The following PARN variants were observed in gnomAD, a reference collection of about 807,000 sequenced individuals.
PARN encodes poly(A)-specific ribonuclease PARN.
A neutral mutation model predicts 102.8 loss-of-function variants in PARN; 71 were observed. The ratio of observed to expected loss-of-function variants is 0.69; its 90% CI spans 0.57 to 0.84. The LOEUF is 0.84. PARN is among the 40% of genes least tolerant of loss of function. PARN has a pLI of 0.00. For missense variants in PARN, 782 were observed against 760.9 expected, an observed-to-expected ratio of 1.03 and a Z score of -0.33; for synonymous variants, 261 against 252.9, an observed-to-expected ratio of 1.03 and a Z score of -0.30.
At chr16:14,492,579 T>TA (rs1964115391) in intron 21 of PARN, among the ~76,000 whole-genome samples, 2 of 152,070 alleles carry the variant, frequency 1.3e-5, no homozygotes, top group African/African-American at 4.8e-5. Flanking sequence ...CTAGAGCAAG[T>TA]CAGGCCCTCT....
chr16:14,519,686 A>G (rs1236247657), intron 21 of PARN, among the ~76,000 whole-genome samples: 2 of 152,192 alleles, frequency 1.3e-5, no homozygotes, highest in African/African-American at 4.8e-5. Context: ...AGATTTCTCT[A>G]TGTCATTATG....
In PARN at chr16:14,599,891, C is replaced by A. The variant is rs747718824; in HGVS notation, c.840+13G>T. 15 of 1,570,828 alleles carry A rather than the reference C, an allele frequency of 9.5e-6. No individual in the cohort carries two copies. Among genetic ancestry groups the A allele is most frequent in the Admixed American group, 3.5e-5 (2 of 57,910 alleles). ...ATGTTCTGCAATCTTGCTAAAAAGT[C>A]TGGCTCACTTACCGAATTAGCAATG... On this transcript the variant is annotated intron_variant, in intron 12 of 23. Transcript: ENST00000437198.
At chr16:14,604,625 A>AT (rs932192616) in intron 10 of PARN, among the ~76,000 whole-genome samples, 22 of 149,118 alleles carry the variant, frequency 1.5e-4, no homozygotes, top group African/African-American at 3.7e-4. Flanking sequence ...TGCCATTAGA[A>AT]TTTTTTTTTT....
intron 21 of PARN, among the ~76,000 whole-genome samples, chr16:14,514,567 G>A (rs1965364155): frequency 6.6e-6 from 1 of 152,166 alleles, no homozygotes. Context: ...AGGTGAGGGA[G>A]ACTGAATCAC....
At chr16:14,612,673 C>T (rs1442249210) in intron 6 of PARN, among the ~76,000 whole-genome samples, 3 of 151,904 alleles carry the variant, frequency 2.0e-5, no homozygotes, top group Non-Finnish European at 4.4e-5. Flanking sequence ...TCTCGGCTCA[C>T]TGCAACCGCC....
chr16:14,585,913 T>A (rs1270169864), intron 14 of PARN, among the ~76,000 whole-genome samples: 1 of 151,844 alleles, frequency 6.6e-6, no homozygotes, highest in East Asian at 1.9e-4. Flanking sequence ...CAAGCTTATA[T>A]GAACATGATC....
chr16:14,581,364 T>G (rs746803843), intron 17 of PARN, among the ~76,000 whole-genome samples: 15 of 152,116 alleles, frequency 9.9e-5, no homozygotes, highest in Non-Finnish European at 1.9e-4. Context: ...TGAAAGGTAT[T>G]CTTACGCACC....
At chr16:14,545,338 T>A (rs1410845017) in intron 21 of PARN, among the ~76,000 whole-genome samples, 1 of 152,202 alleles carries the variant, frequency 6.6e-6, no homozygotes, top group East Asian at 1.9e-4. Context: ...CCTATTGAAA[T>A]CTTTAGTCAC....
At chr16:14,503,150 G>A (rs911002947) in intron 21 of PARN, among the ~76,000 whole-genome samples, 3 of 152,118 alleles carry the variant, frequency 2.0e-5, no homozygotes, top group Non-Finnish European at 4.4e-5. Context: ...CAGAGGCACT[G>A]ATACTAGCTG....
At chr16:14,621,793 A>G (rs959098191) in intron 5 of PARN, among the ~76,000 whole-genome samples, 18 of 149,002 alleles carry the variant, frequency 1.2e-4, no homozygotes, top group African/African-American at 4.4e-4. Flanking sequence ...CCTGGGCGAC[A>G]GGGGCTTCGT....
At chr16:14,544,031 A>G (rs1966858198) in intron 21 of PARN, among the ~76,000 whole-genome samples, 1 of 152,192 alleles carries the variant, frequency 6.6e-6, no homozygotes, top group Non-Finnish European at 1.5e-5. Flanking sequence ...CGTCTCTACT[A>G]AAAATACAAA....
chr16:14,467,084 C>A (rs1264960899), intron 22 of PARN, among the ~76,000 whole-genome samples: 1 of 152,194 alleles, frequency 6.6e-6, no homozygotes, highest in African/African-American at 2.4e-5. Context: ...TAAGAGGAAG[C>A]CATCAACCAT....
intron 21 of PARN, among the ~76,000 whole-genome samples, chr16:14,525,134 T>C (rs1331797443): frequency 6.6e-6 from 1 of 152,222 alleles, no homozygotes; most frequent in African/African-American, 2.4e-5. Flanking sequence ...AATTTCAGTA[T>C]GAAGATCTCT....
intron 21 of PARN, among the ~76,000 whole-genome samples, chr16:14,548,539 C>T (rs1248063373): frequency 2.6e-5 from 4 of 152,186 alleles, no homozygotes; most frequent in African/African-American, 9.7e-5. Flanking sequence ...GCAATGGTGA[C>T]TGAGACATGG....
intron 12 of PARN, among the ~76,000 whole-genome samples, chr16:14,597,991 G>A (rs1970629874): frequency 6.6e-6 from 1 of 151,514 alleles, no homozygotes; most frequent in South Asian, 2.1e-4. Flanking sequence ...TAAAAATACA[G>A]AAATTAGCCA....
At chr16:14,588,589 C>CA (rs1969993918) in intron 13 of PARN, among the ~76,000 whole-genome samples, 1 of 152,148 alleles carries the variant, frequency 6.6e-6, no homozygotes, top group Middle Eastern at 3.4e-3. Flanking sequence ...CTTTAAAGAT[C>CA]AAAAAAGGCT....
chr16:14,477,018 T>C (rs1256448191), intron 22 of PARN, among the ~76,000 whole-genome samples: 1 of 152,204 alleles, frequency 6.6e-6, no homozygotes, highest in Admixed American at 6.5e-5. Context: ...ATTAATTCAA[T>C]ATAAATGGCA....
chr16:14,490,294 C>G (rs1963990778), intron 21 of PARN, among the ~76,000 whole-genome samples: 1 of 152,226 alleles, frequency 6.6e-6, no homozygotes, highest in African/African-American at 2.4e-5. Flanking sequence ...TAAAAAGGGA[C>G]TGGCCCAAGG....
At chr16:14,473,544 C>T (rs1034277801) in intron 22 of PARN, among the ~76,000 whole-genome samples, 4 of 152,080 alleles carry the variant, frequency 2.6e-5, no homozygotes, top group Non-Finnish European at 4.4e-5. Context: ...GCTATAGAAC[C>T]TAGAGCAAAC....
Sources: gnomAD v4.1 joint callset for allele counts (sites outside exome capture counted in the v4.1 genomes callset) on GRCh38, gnomAD v4.1.1 for gene constraint, MANE v1.5 for transcripts, NCBI Gene and HGNC (gene_info 2026-07-23, HGNC 2026-07-21) for gene names.